Variants in PDPN observed in about 807,000 individuals in gnomAD.
PDPN encodes podoplanin, also known as PA2.26 antigen.
PDPN carries 12 observed loss-of-function variants against 23.2 expected under a neutral mutation model. The ratio of observed to expected loss-of-function variants is 0.52; its 90% CI spans 0.33 to 0.84. PDPN has a LOEUF of 0.84. Ranked by LOEUF, PDPN falls within the 40% of genes least tolerant of loss-of-function variation. PDPN has a pLI of 0.02. For synonymous variants in PDPN, 77 were observed against 76.7 expected (o/e 1.00, Z -0.02); for missense variants, 199 against 212.2 (o/e 0.94, Z 0.39).
intron 5 of PDPN, 59 bp downstream of exon 5, chr1:13,614,470 C>A: frequency 1.1e-6 from 1 of 895,218 alleles, no homozygotes; most frequent in South Asian, 1.4e-5. Flanking sequence ...GTCTAGAACT[C>A]AAATCTTTGA....
chr1:13,607,273 C>T lies in PDPN; in HGVS notation c.168C>T (p.Ser56=), dbSNP rs369333489. The change falls in exon 2 of 6, where the codon AGC becomes AGT. Residue 56 remains serine (S), a synonymous_variant. Coordinates refer to ENST00000621990, the MANE Select transcript of PDPN (RefSeq NM_006474.5). Reference sequence around the variant, plus strand: ...ATGATGTGGTGACTCCAGGAACCAGCGAAGACCGCTATAAGTCTGGCTTGA... The same window carrying T: ...ATGATGTGGTGACTCCAGGAACCAGTGAAGACCGCTATAAGTCTGGCTTGA... ...AEDDVVTPGT[S]EDRYKSGLTT... is the part of the protein sequence containing the mutation. The T allele has an allele frequency of 5.0e-5, 81 of 1,613,994 alleles. No individual in the cohort carries two copies. The highest frequency in any genetic ancestry group is 1.6e-4 in the Middle Eastern group (1 of 6,062).
At position 13,602,046 on chromosome 1, in the gene PDPN, C is replaced by CCTTTGGGTGGCTCAGCA. The variant is rs1351746442; in HGVS notation, c.68-5106_68-5090dup. ...GGCTCATGCCTTTGGGTGGCTCATGCCTTTGGGTGGCTCAGCACTTTGGGT... is the reference window on the plus strand; with the variant it reads ...GGCTCATGCCTTTGGGTGGCTCATGCCTTTGGGTGGCTCAGCACTTTGGGTGGCTCAGCACTTTGGGT... On this transcript the variant is annotated intron_variant, in intron 1 of 5. Coordinates refer to ENST00000621990, the MANE Select transcript of PDPN (RefSeq NM_006474.5). Among the ~76,000 whole-genome samples the CCTTTGGGTGGCTCAGCA allele has an allele frequency of 6.9e-3, 630 of 91,660 alleles. 17 individuals are homozygous for CCTTTGGGTGGCTCAGCA. The highest frequency in any genetic ancestry group is 0.022 in the African/African-American group (519 of 23,328). 60.1% of individuals were successfully genotyped at this position (91,660 alleles called of 152,430 possible). A position where few individuals can be genotyped will look rare whatever the true frequency, so the allele number is the denominator to read the frequency against.
In PDPN at chr1:13,583,912, C is replaced by T. The variant is rs754970758; in HGVS notation, c.-122C>T. ...CTCTCCGGGGCTCCTGCTCCCACCC[C>T]TCCGGCCCCCCCACCGTCGCGCTCC... On this transcript the variant is annotated 5_prime_UTR_variant, in exon 1 of 6. Transcript: ENST00000621990. The T allele has an allele frequency of 6.2e-7, 1 of 1,612,206 alleles. No homozygotes were observed. Among genetic ancestry groups the T allele is most frequent in the East Asian group, 2.2e-5 (1 of 44,890 alleles).
intron 1 of PDPN, among the ~76,000 whole-genome samples, chr1:13,593,642 G>A (rs1640413131): frequency 6.6e-6 from 1 of 152,150 alleles, no homozygotes; most frequent in Non-Finnish European, 1.5e-5. Context: ...TGCGTGGGGT[G>A]GACGGTGAGG....
intron 1 of PDPN, among the ~76,000 whole-genome samples, chr1:13,593,422 A>G (rs1332507719): frequency 6.6e-6 from 1 of 152,144 alleles, no homozygotes; most frequent in Non-Finnish European, 1.5e-5. Flanking sequence ...AATTTCCCCT[A>G]CATTAGAACA....
At chr1:13,592,543 A>ATTTT (rs34176163) in intron 1 of PDPN, among the ~76,000 whole-genome samples, 8 of 105,054 alleles carry the variant, frequency 7.6e-5, no homozygotes, top group Admixed American at 1.0e-4. Flanking sequence ...TGAAAAGATG[A>ATTTT]TTTTTTTTTT....
intron 1 of PDPN, among the ~76,000 whole-genome samples, chr1:13,598,121 T>G (rs1230997390): frequency 6.6e-6 from 1 of 152,112 alleles, no homozygotes; most frequent in Non-Finnish European, 1.5e-5. Flanking sequence ...GTTCAAGCGA[T>G]TCTCGTGTCT....
chr1:13,588,912 G>A (rs564603536), intron 1 of PDPN, among the ~76,000 whole-genome samples: 1 of 122,964 alleles, frequency 8.1e-6, no homozygotes. Context: ...TCCTGAGCCT[G>A]CCTTGGCCTC....
intron 1 of PDPN, among the ~76,000 whole-genome samples, chr1:13,598,970 G>T (rs1248257135): frequency 6.6e-6 from 1 of 150,964 alleles, no homozygotes; most frequent in Non-Finnish European, 1.5e-5. Flanking sequence ...GAGGGGAGGG[G>T]TACTCGCTTA....
intron 1 of PDPN, among the ~76,000 whole-genome samples, chr1:13,595,621 C>T (rs780219106): frequency 2.0e-5 from 3 of 152,200 alleles, no homozygotes; most frequent in African/African-American, 4.8e-5. Flanking sequence ...GTTTCTCTTA[C>T]ATTTTACAGA....
At chr1:13,584,205 C>T in intron 1 of PDPN, 105 bp downstream of exon 1, 3 of 1,522,824 alleles carry the variant, frequency 2.0e-6, no homozygotes, top group East Asian at 2.4e-5. Context: ...CAGGGGAGCG[C>T]GGGGGAGCTG....
intron 1 of PDPN, among the ~76,000 whole-genome samples, chr1:13,589,361 G>C (rs1053769091): frequency 1.3e-5 from 2 of 152,162 alleles, no homozygotes; most frequent in East Asian, 3.9e-4. Flanking sequence ...TGTGAGCTTG[G>C]CTAATGGGAA....
intron 1 of PDPN, among the ~76,000 whole-genome samples, chr1:13,586,993 G>A (rs1640198317): frequency 6.6e-6 from 1 of 152,222 alleles, no homozygotes; most frequent in African/African-American, 2.4e-5. Context: ...GGCAGTTGCA[G>A]TGAACCAAGA....
At chr1:13,596,304 A>G (rs7514217) in intron 1 of PDPN, among the ~76,000 whole-genome samples, 71,050 of 151,992 alleles carry the variant, frequency 0.47, 16,857 homozygotes, top group East Asian at 0.69. Context: ...CTAGGAATCT[A>G]TGGGGCAGTG....
intron 3 of PDPN, among the ~76,000 whole-genome samples, chr1:13,612,101 A>G (rs1048568130): frequency 2.5e-5 from 3 of 118,228 alleles, no homozygotes; most frequent in African/African-American, 9.3e-5. Context: ...CCACCCTGTC[A>G]CAAAATTGCC....
chr1:13,583,917 G>GC lies in PDPN; in HGVS notation c.-110dup, dbSNP rs774826187. 3.7e-6 allele frequency: 6 copies of GC among 1,611,708 alleles called. No individual in the cohort carries two copies. Among genetic ancestry groups the GC allele is most frequent in the Admixed American group, 1.7e-5 (1 of 59,850 alleles). ...CGGGGCTCCTGCTCCCACCCCTCCG[G>GC]CCCCCCCACCGTCGCGCTCCTCCAG... is the stretch of plus-strand genomic sequence containing the variant. On this transcript the variant is annotated 5_prime_UTR_variant, in exon 1 of 6. Transcript: ENST00000621990.
At chr1:13,587,939 T>C (rs1640223344) in intron 1 of PDPN, among the ~76,000 whole-genome samples, 1 of 152,152 alleles carries the variant, frequency 6.6e-6, no homozygotes, top group African/African-American at 2.4e-5. Flanking sequence ...GTAGGAGGGC[T>C]CACCCTCCTT....
At chr1:13,589,502 A>G (rs1361202844) in intron 1 of PDPN, among the ~76,000 whole-genome samples, 1 of 152,196 alleles carries the variant, frequency 6.6e-6, no homozygotes, top group South Asian at 2.1e-4. Flanking sequence ...CTGAGTGCTT[A>G]GCGTGTGTGA....
chr1:13,611,117 A>T (rs1570056709), intron 3 of PDPN, among the ~76,000 whole-genome samples: 1 of 152,056 alleles, frequency 6.6e-6, no homozygotes, highest in South Asian at 2.1e-4. Context: ...GCTACTTGGG[A>T]GGCTGAGGCA....
Sources: allele counts gnomAD v4.1 joint callset (sites outside exome capture counted in the v4.1 genomes callset), GRCh38; gene constraint gnomAD v4.1.1; transcripts MANE v1.5; gene names NCBI Gene and HGNC (gene_info 2026-07-23, HGNC 2026-07-21).